Variants in NNMT observed in about 807,000 individuals in gnomAD.
NNMT encodes the protein nicotinamide N-methyltransferase.
A neutral mutation model predicts 11.7 loss-of-function variants in NNMT; 10 were observed. That is an observed-to-expected ratio of 0.85 (90% CI 0.53 to 1.45). NNMT has a LOEUF of 1.45. NNMT is among the 40% of genes most tolerant of loss of function. The pLI is 0.00. For missense variants in NNMT, 381 were observed against 319.4 expected (o/e 1.19, Z -1.47); for synonymous variants, 143 against 133.8 (o/e 1.07, Z -0.48).
At chr11:114,267,392 T>C (rs1001039603) in intron 2 of NNMT, among the ~76,000 whole-genome samples, 1 of 152,228 alleles carries the variant, frequency 6.6e-6, no homozygotes, top group Non-Finnish European at 1.5e-5. Context: ...ATGTGGACCC[T>C]GTGAGAGCCA....
At chr11:114,277,276 A>G (rs1591828816) in intron 2 of NNMT, among the ~76,000 whole-genome samples, 1 of 152,152 alleles carries the variant, frequency 6.6e-6, no homozygotes, top group African/African-American at 2.4e-5. Context: ...AAATGGACAT[A>G]ATAATACCTA....
intron 2 of NNMT, among the ~76,000 whole-genome samples, chr11:114,308,903 T>C (rs1023368014): frequency 6.6e-6 from 1 of 152,206 alleles, no homozygotes; most frequent in African/African-American, 2.4e-5. Context: ...TGGCACATTC[T>C]CTGTGAGCTT....
intron 1 of NNMT, among the ~76,000 whole-genome samples, chr11:114,261,443 G>C (rs560827716): frequency 6.6e-6 from 1 of 152,198 alleles, no homozygotes; most frequent in Non-Finnish European, 1.5e-5. Context: ...AATTAGCCGG[G>C]TGTGGTGGTG....
At chr11:114,309,576 C>T (rs1945529167) in intron 2 of NNMT, among the ~76,000 whole-genome samples, 1 of 82,478 alleles carries the variant, frequency 1.2e-5, no homozygotes, top group Non-Finnish European at 3.3e-5. Flanking sequence ...CCTTGCTAAG[C>T]TCATCTCTCT....
chr11:114,263,124 C>A lies in NNMT; in HGVS notation c.-130+190C>A, dbSNP rs540846902. Among the ~76,000 whole-genome samples the A allele has an allele frequency of 5.0e-4, 76 of 152,282 alleles. No individual in the cohort carries two copies. In the South Asian group the frequency reaches 0.015, roughly 30 times the overall value. Reference sequence around the variant, plus strand: ...TGGGTACTTGACCTTTTCCTGAATTCTCCACAGCTGACACCAGCTGAATGC... The same window carrying A: ...TGGGTACTTGACCTTTTCCTGAATTATCCACAGCTGACACCAGCTGAATGC... On this transcript the variant is annotated intron_variant, in intron 2 of 4. Coordinates refer to the NNMT transcript ENST00000535401.
intron 2 of NNMT, among the ~76,000 whole-genome samples, chr11:114,308,935 C>A (rs891635161): frequency 6.6e-6 from 1 of 152,178 alleles, no homozygotes; most frequent in South Asian, 2.1e-4. Context: ...CAGTGTGGCT[C>A]ACAGTTTGGG....
chr11:114,305,494 C>T (rs1945482208), intron 2 of NNMT, among the ~76,000 whole-genome samples: 2 of 139,986 alleles, frequency 1.4e-5, no homozygotes, highest in South Asian at 2.7e-4. Context: ...GCTATCCATG[C>T]CCCCTCCCCC....
intron 1 of NNMT, among the ~76,000 whole-genome samples, chr11:114,259,504 G>A (rs947279459): frequency 7.9e-5 from 12 of 152,198 alleles, no homozygotes; most frequent in African/African-American, 2.7e-4. Flanking sequence ...GGCAGGATGC[G>A]GGGCAGGAGA....
intron 2 of NNMT, among the ~76,000 whole-genome samples, chr11:114,300,988 G>C (rs1945432702): frequency 6.6e-6 from 1 of 152,096 alleles, no homozygotes; most frequent in Non-Finnish European, 1.5e-5. Context: ...TGACAAGTTT[G>C]GTAGAATGCA....
chr11:114,264,066 C>G (rs555960488), intron 2 of NNMT, among the ~76,000 whole-genome samples: 12 of 152,176 alleles, frequency 7.9e-5, no homozygotes, highest in African/African-American at 2.2e-4. Flanking sequence ...AAAGTCAGCT[C>G]CTCCTCTTGG....
upstream of NNMT, among the ~76,000 whole-genome samples, chr11:114,295,060 A>G (rs1013593267): frequency 2.6e-5 from 4 of 152,224 alleles, no homozygotes; most frequent in African/African-American, 9.6e-5. Context: ...CAGAGGCAGG[A>G]TGTGCTGCTG....
At chr11:114,284,272 G>A (rs1180650288) in intron 2 of NNMT, among the ~76,000 whole-genome samples, 1 of 152,154 alleles carries the variant, frequency 6.6e-6, no homozygotes, top group Non-Finnish European at 1.5e-5. Flanking sequence ...ACCTGGCTCT[G>A]CCAAAGGCCC....
At chr11:114,280,189 TAAAC>T (rs913964843) in intron 2 of NNMT, among the ~76,000 whole-genome samples, 25 of 151,720 alleles carry the variant, frequency 1.6e-4, no homozygotes, top group African/African-American at 5.6e-4. Context: ...AATGAGAAAA[TAAAC>T]AAATAAAGAT....
chr11:114,290,360 C>T (rs560871298), intron 2 of NNMT, among the ~76,000 whole-genome samples: 11 of 152,070 alleles, frequency 7.2e-5, no homozygotes, highest in African/African-American at 2.2e-4. Flanking sequence ...TATCTTCTTT[C>T]GAATTGATAG....
chr11:114,286,540 A>C (rs759084867), intron 2 of NNMT, among the ~76,000 whole-genome samples: 3 of 152,140 alleles, frequency 2.0e-5, no homozygotes, highest in Non-Finnish European at 4.4e-5. Context: ...TTTGTTTTGG[A>C]CTTTTGGACT....
chr11:114,261,021 A>T (rs1323319850), intron 1 of NNMT, among the ~76,000 whole-genome samples: 1 of 152,216 alleles, frequency 6.6e-6, no homozygotes, highest in Non-Finnish European at 1.5e-5. Context: ...TAACGACGTG[A>T]ATCAGCTTTC....
At chr11:114,271,184 G>A (rs1342102570) in intron 2 of NNMT, among the ~76,000 whole-genome samples, 1 of 152,164 alleles carries the variant, frequency 6.6e-6, no homozygotes, top group African/African-American at 2.4e-5. Flanking sequence ...GCACAATTCA[G>A]TCCATAAAAG....
At chr11:114,292,706 T>A (rs1945343395), upstream of NNMT, among the ~76,000 whole-genome samples, 1 of 152,020 alleles carries the variant, frequency 6.6e-6, no homozygotes, top group Non-Finnish European at 1.5e-5. Context: ...GGGTAGAGGG[T>A]CATTACAAGG....
In NNMT at chr11:114,305,474, A is replaced by G. The variant is rs146286821; in HGVS notation, c.363-6571A>G. ...TTAACTCGTCATTTACATTAGGTATATCTCCTAATGCTATCCATGCCCCCT... is the reference window on the plus strand; with the variant it reads ...TTAACTCGTCATTTACATTAGGTATGTCTCCTAATGCTATCCATGCCCCCT... On this transcript the variant is annotated intron_variant, in intron 2 of 2. Transcript: ENST00000299964. 7.4e-3 allele frequency among the ~76,000 whole-genome samples: 1,125 copies of G among 151,176 alleles called. 37 individuals are homozygous for G. Among genetic ancestry groups the G allele is most frequent in the Admixed American group, 0.046 (703 of 15,154 alleles).
Sources: allele counts gnomAD v4.1 joint callset (sites outside exome capture counted in the v4.1 genomes callset), GRCh38; gene constraint gnomAD v4.1.1; transcripts MANE v1.5; gene names NCBI Gene and HGNC (gene_info 2026-07-23, HGNC 2026-07-21).